Variants in PCNX2 observed in about 807,000 individuals in gnomAD.
The protein encoded by PCNX2 is pecanex 2, also known as pecanex-like protein 2.
PCNX2 carries 168 observed loss-of-function variants against 223.8 expected under a neutral mutation model. The ratio of observed to expected loss-of-function variants is 0.75; its 90% CI spans 0.66 to 0.85. The LOEUF is 0.85. PCNX2 is among the 40% of genes least tolerant of loss of function. The probability of loss-of-function intolerance (pLI) is 0.00; values close to 1 mark genes in which losing one functional copy is unlikely to be tolerated. For missense variants in PCNX2, 2,507 were observed against 2,675.5 expected, an observed-to-expected ratio of 0.94 and a Z score of 1.39; for synonymous variants, 1,006 against 1,052.6, an observed-to-expected ratio of 0.96 and a Z score of 0.86.
At chr1:233,092,171 T>C (rs1387922753) in intron 22 of PCNX2, among the ~76,000 whole-genome samples, 2 of 152,034 alleles carry the variant, frequency 1.3e-5, no homozygotes, top group African/African-American at 4.8e-5. Context: ...TCTGAGGGGC[T>C]GTGTTGAGAA....
In PCNX2 at chr1:233,135,103, G is replaced by A. The variant is rs774914553; in HGVS notation, c.3747C>T (p.Ser1249=). The A allele has an allele frequency of 1.7e-5, 27 of 1,612,938 alleles. No homozygotes were observed. Among genetic ancestry groups the A allele is most frequent in the Admixed American group, 6.7e-5 (4 of 59,990 alleles). Residue 1249 remains serine (S), a synonymous_variant, in exon 21 of 34, where the codon AGC becomes AGT. Coordinates refer to ENST00000258229, the MANE Select transcript of PCNX2 (RefSeq NM_014801.4). Reference sequence around the variant, plus strand: ...CAAAGTGGAAAAAGATGACAGTGAAGCTCAAGTTAATAAACTGGTAAACCG... The same window carrying A: ...CAAAGTGGAAAAAGATGACAGTGAAACTCAAGTTAATAAACTGGTAAACCG... ...CNPVYQFINL[S]FTVIFFHFDY... is the part of the protein sequence containing the mutation.
intron 15 of PCNX2, among the ~76,000 whole-genome samples, chr1:233,184,779 T>C (rs959988450): frequency 1.3e-5 from 2 of 152,156 alleles, no homozygotes; most frequent in African/African-American, 4.8e-5. Context: ...GGAAGAAGGA[T>C]GTTTATGTCC....
chr1:233,000,226 C>T lies in PCNX2; in HGVS notation c.5328+79G>A. 7.3e-7 allele frequency: 1 copy of T among 1,369,672 alleles called. No homozygotes were observed. The highest frequency in any genetic ancestry group is 1.2e-5 in the South Asian group (1 of 85,520). The allele number at this position is 1,369,672 out of a possible 1,614,324, so 84.8% of individuals were successfully genotyped here. On this transcript the variant is annotated intron_variant, in intron 30 of 33. Coordinates refer to ENST00000258229, the MANE Select transcript of PCNX2 (RefSeq NM_014801.4). This position sits in a 1 kb window ranked among gnomAD's most constrained non-coding sequence, Gnocchi z 4.6. ...ACAGAGACTCCTGTGTCAGTGCCCC[C>T]CTGCCCACCACCATTCTATTTCTTC... is the stretch of plus-strand genomic sequence containing the variant.
At chr1:233,182,759 C>T (rs78498951) in intron 15 of PCNX2, among the ~76,000 whole-genome samples, 1,815 of 152,256 alleles carry the variant, frequency 0.012, 21 homozygotes, top group Non-Finnish European at 0.017. Context: ...TTCCCCTCTA[C>T]CTGGTGAACT....
intron 21 of PCNX2, among the ~76,000 whole-genome samples, chr1:233,127,430 T>C (rs1208911476): frequency 1.3e-5 from 2 of 152,158 alleles, no homozygotes; most frequent in Non-Finnish European, 2.9e-5. Flanking sequence ...GACTTACTCA[T>C]TCTTCCTGAA....
At chr1:233,146,735 G>T (rs930602950) in intron 19 of PCNX2, among the ~76,000 whole-genome samples, 3 of 152,192 alleles carry the variant, frequency 2.0e-5, no homozygotes, top group African/African-American at 7.2e-5. Flanking sequence ...ATGAATTAAA[G>T]GAAACATTTG....
intron 17 of PCNX2, among the ~76,000 whole-genome samples, chr1:233,169,644 C>CAAAAAAAAAAAAAAAAAA (rs200439765): frequency 1.0e-4 from 7 of 68,884 alleles, no homozygotes; most frequent in African/African-American, 3.4e-4. Flanking sequence ...AACTCCGTCT[C>CAAAAAAAAAAAAAAAAAA]AAAAAAAAAA....
rs552362923 is a variant in PCNX2 at position 233,152,150 on chromosome 1, G to A, written c.3517+8133C>T. Among the ~76,000 whole-genome samples, 7 of 152,290 alleles carry A rather than the reference G, an allele frequency of 4.6e-5. No homozygotes were observed. The South Asian group carries it at 1.2e-3, about 27-fold the overall frequency. On this transcript the variant is annotated intron_variant, in intron 19 of 33. Transcript: ENST00000258229. Reference sequence around the variant, plus strand: ...GGAGGAAGGGAAAATGAGGGGAAGAGAGGGTGCAGGAAAATAATAGCAACA... The same window carrying A: ...GGAGGAAGGGAAAATGAGGGGAAGAAAGGGTGCAGGAAAATAATAGCAACA...
rs550064422 is a variant in PCNX2 at position 233,236,095 on chromosome 1, C to G, written c.2358+750G>C. ...TGACACTCACATGACATCATACCATCTACAATCCTCTTCTCTCCATCTGTA... is the reference window on the plus strand; with the variant it reads ...TGACACTCACATGACATCATACCATGTACAATCCTCTTCTCTCCATCTGTA... On this transcript the variant is annotated intron_variant, in intron 9 of 33. Transcript: ENST00000258229. Among the ~76,000 whole-genome samples the G allele has an allele frequency of 4.7e-5, 7 of 150,488 alleles. No homozygotes were observed. In the East Asian group the frequency reaches 1.4e-3, roughly 30 times the overall value.
Position 233,117,801 on chromosome 1 carries a change from G to A in PCNX2, c.3837+17212C>T, listed in dbSNP as rs150668602. ...CGAGGCGGGCGGATCACGAGGTCAG[G>A]AGATCGAGACCATCCCGGCTAAAAC... On this transcript the variant is annotated intron_variant, in intron 21 of 33. Transcript: ENST00000258229. 5.5e-3 allele frequency among the ~76,000 whole-genome samples: 828 copies of A among 151,752 alleles called. 12 individuals carry two copies. Among genetic ancestry groups the A allele is most frequent in the African/African-American group, 0.018 (756 of 41,412 alleles).
In PCNX2 at chr1:232,986,509, C is replaced by A; in HGVS notation, c.5823G>T (p.Gln1941His). The A allele has an allele frequency of 6.4e-7, 1 of 1,551,404 alleles. No homozygotes were observed. Among genetic ancestry groups the A allele is most frequent in the Non-Finnish European group, 8.7e-7 (1 of 1,147,812 alleles). ...GCCTTTGGCTTAGCGCTGAGTGTGC[C>A]TGCACGGACTGGCTCCTGCCTTTCC... ...GRRKGRSQSV[Q>H]AHSALSQRPP... The change falls in exon 33 of 34, where the codon CAG becomes CAT. Residue 1941 changes from glutamine to histidine, a missense_variant. Coordinates refer to ENST00000258229, the MANE Select transcript of PCNX2 (RefSeq NM_014801.4).
At chr1:233,004,662 T>C (rs969163671) in intron 28 of PCNX2, among the ~76,000 whole-genome samples, 1 of 152,210 alleles carries the variant, frequency 6.6e-6, no homozygotes. Context: ...AAGGATTTAA[T>C]GAGTTGGCTC....
At chr1:233,119,584 CA>C (rs1300600439) in intron 21 of PCNX2, among the ~76,000 whole-genome samples, 59 of 63,960 alleles carry the variant, frequency 9.2e-4, no homozygotes, top group East Asian at 1.5e-3. Flanking sequence ...GACCTTGTCT[CA>C]AAAAAAAAAA....
intron 8 of PCNX2, among the ~76,000 whole-genome samples, chr1:233,239,105 G>A (rs1658602031): frequency 6.6e-6 from 1 of 152,118 alleles, no homozygotes; most frequent in African/African-American, 2.4e-5. Context: ...ATCTTAAACG[G>A]AGCACATGCC....
the PCNX2 span, among the ~76,000 whole-genome samples, chr1:233,307,076 GAA>G: frequency 1.3e-5 from 2 of 152,096 alleles, no homozygotes; most frequent in East Asian, 3.8e-4. Flanking sequence ...CATATAAAAG[GAA>G]AGTGTTAGCT....
chr1:233,025,870 C>T (rs968143816), intron 25 of PCNX2, among the ~76,000 whole-genome samples: 4 of 152,160 alleles, frequency 2.6e-5, no homozygotes, highest in East Asian at 1.9e-4. Flanking sequence ...GGTAGTTGTT[C>T]CTATTATTTT....
intron 1 of PCNX2, among the ~76,000 whole-genome samples, chr1:233,267,474 TTTATC>T (rs904909315): frequency 4.6e-5 from 7 of 152,252 alleles, no homozygotes; most frequent in African/African-American, 1.7e-4. Context: ...CTCCAGAATT[TTTATC>T]TTCCCAAACT....
chr1:233,052,607 T>C (rs563539521), intron 25 of PCNX2, among the ~76,000 whole-genome samples: 1 of 152,292 alleles, frequency 6.6e-6, no homozygotes, highest in East Asian at 1.9e-4. Flanking sequence ...ATTCATTTCA[T>C]GCGATACTCA....
chr1:233,162,621 A>G (rs78815644), intron 17 of PCNX2, among the ~76,000 whole-genome samples: 1,556 of 152,304 alleles, frequency 0.01, 26 homozygotes, highest in African/African-American at 0.035. Context: ...TTCACCAAAA[A>G]TTTACTTTAG....
Sources: gnomAD v4.1 joint callset for allele counts (sites outside exome capture counted in the v4.1 genomes callset) on GRCh38, gnomAD v4.1.1 for gene constraint, Gnocchi (gnomAD v3.1) non-coding constraint, MANE v1.5 for transcripts, NCBI Gene and HGNC (gene_info 2026-07-23, HGNC 2026-07-21) for gene names.